MED23: variants seen among roughly 807,000 people sequenced by gnomAD.
MED23 encodes the protein mediator complex subunit 23.
A neutral mutation model predicts 163.9 loss-of-function variants in MED23; 105 were observed. That is an observed-to-expected ratio of 0.64 (90% CI 0.55 to 0.75). The LOEUF (loss-of-function observed/expected upper bound fraction) is 0.75, where lower values mean the gene tolerates loss of function less well. Among genes scored for constraint, MED23 ranks in the 30% least tolerant of loss-of-function variants. MED23 has a pLI of 0.00. For synonymous variants in MED23, 561 were observed against 565.6 expected, an observed-to-expected ratio of 0.99 and a Z score of 0.12; for missense variants, 1,054 against 1,649.0, an observed-to-expected ratio of 0.64 and a Z score of 6.25.
chr6:131,582,791 T>C (rs1774000155), downstream of MED23: 2 of 1,248,410 alleles, frequency 1.6e-6, no homozygotes, highest in African/African-American at 3.0e-5. Context: ...TGACCAACTC[T>C]ATGAGAGAAA....
chr6:131,626,637 A>C (rs1213862885), intron 3 of MED23, among the ~76,000 whole-genome samples: 1 of 152,230 alleles, frequency 6.6e-6, no homozygotes, highest in African/African-American at 2.4e-5. Flanking sequence ...GAAGAGAAAG[A>C]GACTAGTTAT....
chr6:131,627,629 G>A lies in MED23; in HGVS notation c.71+12C>T, dbSNP rs1380831585. The A allele has an allele frequency of 1.2e-6, 2 of 1,609,510 alleles. No homozygotes were observed. Among genetic ancestry groups the A allele is most frequent in the East Asian group, 2.2e-5 (1 of 44,788 alleles). ...ACATAAAAACACAAAACTCTGCCACGCATACACTCACCCAGGAAAAGCCTC... is the reference window on the plus strand; with the variant it reads ...ACATAAAAACACAAAACTCTGCCACACATACACTCACCCAGGAAAAGCCTC... On this transcript the variant is annotated intron_variant, in intron 2 of 28. Transcript: ENST00000368068.
chr6:131,611,524 T>C (rs138534389), intron 10 of MED23, among the ~76,000 whole-genome samples: 139 of 152,270 alleles, frequency 9.1e-4, no homozygotes, highest in Non-Finnish European at 1.5e-3. Flanking sequence ...TAATTATCAT[T>C]ATGAAGCAGA....
At chr6:131,579,097 CT>C in intron 30 of MED23, 1 of 1,613,742 alleles carries the variant, frequency 6.2e-7, no homozygotes, top group Middle Eastern at 1.6e-4. Context: ...TAACTCAAAA[CT>C]TTTTAATTTT....
intron 18 of MED23, 82 bp downstream of exon 18, chr6:131,599,956 A>G: frequency 9.9e-6 from 15 of 1,517,336 alleles, no homozygotes; most frequent in Non-Finnish European, 1.4e-5. Flanking sequence ...TTCAGAAGTC[A>G]CCAAGACTCA....
chr6:131,587,358 C>A lies in MED23; in HGVS notation c.*321G>T. ...TAATAAAAAATACAAACAAAAACAA[C>A]GGCTAGAATAGGAAAGACTGAAAGT... On this transcript the variant is annotated 3_prime_UTR_variant, in exon 29 of 29. Coordinates refer to ENST00000368068, the MANE Select transcript of MED23 (RefSeq NM_004830.4). 1 of 1,132,442 alleles carries A rather than the reference C, an allele frequency of 8.8e-7. No individual in the cohort carries two copies. Among genetic ancestry groups the A allele is most frequent in the Non-Finnish European group, 1.1e-6 (1 of 923,396 alleles). 70.1% of individuals were successfully genotyped at this position (1,132,442 alleles called of 1,614,324 possible). A position where few individuals can be genotyped will look rare whatever the true frequency, so the allele number is the denominator to read the frequency against.
chr6:131,625,314 G>A (rs1415531874), intron 3 of MED23, among the ~76,000 whole-genome samples: 1 of 152,140 alleles, frequency 6.6e-6, no homozygotes, highest in Non-Finnish European at 1.5e-5. Flanking sequence ...ATTGTAAACA[G>A]TGCCCTTTAT....
At chr6:131,581,471 T>G in intron 30 of MED23, 1 of 1,387,764 alleles carries the variant, frequency 7.2e-7, no homozygotes. Flanking sequence ...TGTTATCTTA[T>G]TCTTGGTGTA....
chr6:131,619,938 A>C (rs748518422), intron 7 of MED23, 42 bp from the exon 8 acceptor site: 9 of 1,336,178 alleles, frequency 6.7e-6, no homozygotes, highest in Non-Finnish European at 9.7e-6. Flanking sequence ...AAATACGTAC[A>C]AAAGGAAAAT....
chr6:131,593,539 T>A (rs1274811209), intron 23 of MED23, among the ~76,000 whole-genome samples: 1 of 152,164 alleles, frequency 6.6e-6, no homozygotes, highest in African/African-American at 2.4e-5. Flanking sequence ...TGTAGGAAAA[T>A]AAGTCATGCT....
intron 22 of MED23, among the ~76,000 whole-genome samples, chr6:131,594,984 C>T (rs985840213): frequency 1.3e-5 from 2 of 152,098 alleles, no homozygotes; most frequent in Admixed American, 6.6e-5. Flanking sequence ...ATTACCTAAT[C>T]CAAAAGAAAA....
chr6:131,592,075 A>C (rs776903953), intron 25 of MED23: 4 of 381,914 alleles, frequency 1.0e-5, no homozygotes, highest in Non-Finnish European at 1.9e-5. Context: ...GTAGATATAC[A>C]ACACGTTAAG....
chr6:131,599,815 TC>T (rs1203753660), intron 18 of MED23, among the ~76,000 whole-genome samples: 1 of 152,064 alleles, frequency 6.6e-6, no homozygotes, highest in East Asian at 1.9e-4. Context: ...TGACCATAGT[TC>T]CTTGTGAACC....
chr6:131,608,258 C>T (rs1335755975), intron 11 of MED23, among the ~76,000 whole-genome samples, 187 bp from the exon 12 acceptor site: 1 of 152,062 alleles, frequency 6.6e-6, no homozygotes, highest in Non-Finnish European at 1.5e-5. Flanking sequence ...GCAAAACCTG[C>T]TAAATTATTT....
intron 12 of MED23, among the ~76,000 whole-genome samples, chr6:131,607,506 C>T (rs1253356418): frequency 2.6e-5 from 4 of 152,034 alleles, no homozygotes; most frequent in African/African-American, 4.8e-5. Flanking sequence ...GATCACGCCA[C>T]TGCACTCCAG....
intron 30 of MED23, chr6:131,579,427 A>T: frequency 2.2e-6 from 2 of 894,172 alleles, no homozygotes; most frequent in Non-Finnish European, 3.3e-6. Flanking sequence ...AAAAAATTTT[A>T]TAGGTTACTT....
At chr6:131,579,857 TGA>T (rs142346886) in intron 30 of MED23, among the ~76,000 whole-genome samples, 3,042 of 148,486 alleles carry the variant, frequency 0.02, 91 homozygotes, top group African/African-American at 0.068. Context: ...TGTGTGTGTG[TGA>T]GAGAGAGAGA....
chr6:131,583,022 C>A (rs1265828887), downstream of MED23: 1 of 1,455,296 alleles, frequency 6.9e-7, no homozygotes, highest in Non-Finnish European at 9.6e-7. Context: ...GCACAGTCAG[C>A]CTTATTAATT....
intron 23 of MED23, 138 bp downstream of exon 23, chr6:131,593,961 A>G: frequency 1.5e-6 from 1 of 683,694 alleles, no homozygotes. Context: ...AAATCTTTAC[A>G]GAGATGAAAA....
Sources: allele counts gnomAD v4.1 joint callset (sites outside exome capture counted in the v4.1 genomes callset), GRCh38; gene constraint gnomAD v4.1.1; transcripts MANE v1.5; gene names NCBI Gene and HGNC (gene_info 2026-07-23, HGNC 2026-07-21).